GALNTL6: variants seen among roughly 807,000 people sequenced by gnomAD.
GALNTL6 encodes the protein polypeptide N-acetylgalactosaminyltransferase-like 6.
GALNTL6 carries 46 observed loss-of-function variants against 73.7 expected under a neutral mutation model. That is an observed-to-expected ratio of 0.62 (90% CI 0.49 to 0.80). The LOEUF is 0.80. Among genes scored for constraint, GALNTL6 ranks in the 30% least tolerant of loss-of-function variants. The pLI is 0.00. For synonymous variants in GALNTL6, 259 were observed against 263.7 expected, an observed-to-expected ratio of 0.98 and a Z score of 0.17; for missense variants, 604 against 755.0, an observed-to-expected ratio of 0.80 and a Z score of 2.34.
intron 5 of GALNTL6, among the ~76,000 whole-genome samples, chr4:172,657,956 C>G (rs1731134083): frequency 6.7e-6 from 1 of 149,758 alleles, no homozygotes; most frequent in Non-Finnish European, 1.5e-5. Context: ...CGAGACCATC[C>G]CGGCTAAAAC....
intron 2 of GALNTL6, among the ~76,000 whole-genome samples, chr4:172,210,869 G>GT (rs1166569366): frequency 6.6e-6 from 1 of 152,044 alleles, no homozygotes; most frequent in Non-Finnish European, 1.5e-5. Flanking sequence ...TCAATCATTT[G>GT]TTTATATCAG....
chr4:172,355,583 G>T (rs750925523), intron 5 of GALNTL6, among the ~76,000 whole-genome samples: 1 of 152,012 alleles, frequency 6.6e-6, no homozygotes, highest in African/African-American at 2.4e-5. Context: ...ATTGTAAAAG[G>T]TATGATGAGT....
chr4:172,761,691 C>T (rs531635280), intron 5 of GALNTL6, among the ~76,000 whole-genome samples: 2 of 151,800 alleles, frequency 1.3e-5, no homozygotes, highest in Admixed American at 1.3e-4. Flanking sequence ...CTCTCTCTCT[C>T]TCTCTTTCTC....
chr4:172,057,459 C>T (rs1312375249), intron 2 of GALNTL6, among the ~76,000 whole-genome samples: 3 of 151,206 alleles, frequency 2.0e-5, no homozygotes, highest in East Asian at 2.0e-4. Context: ...GAGGCCAAAG[C>T]GGGAGGATCA....
intron 2 of GALNTL6, among the ~76,000 whole-genome samples, chr4:172,048,831 T>A (rs984001499): frequency 1.3e-5 from 2 of 152,170 alleles, no homozygotes; most frequent in Non-Finnish European, 2.9e-5. Context: ...ATGCTCCAAT[T>A]TGCATCTTCC....
chr4:172,122,128 C>T (rs1343783994), intron 2 of GALNTL6, among the ~76,000 whole-genome samples: 1 of 151,078 alleles, frequency 6.6e-6, no homozygotes, highest in African/African-American at 2.4e-5. Context: ...TATCCCATGA[C>T]TAGGCTGAAT....
chr4:172,581,313 A>G (rs1471163612), intron 5 of GALNTL6, among the ~76,000 whole-genome samples: 1 of 152,088 alleles, frequency 6.6e-6, no homozygotes, highest in Non-Finnish European at 1.5e-5. Flanking sequence ...GCCTTGATGG[A>G]GTCATTTTGG....
At chr4:172,073,353 A>G (rs146754269) in intron 2 of GALNTL6, among the ~76,000 whole-genome samples, 76 of 152,354 alleles carry the variant, frequency 5.0e-4, no homozygotes, top group African/African-American at 1.7e-3. Context: ...TTCTAAGAAC[A>G]GTACCAGGCA....
rs554060399 is a variant in GALNTL6 at position 172,510,787 on chromosome 4, T to C, written c.553+162098T>C. Reference sequence around the variant, plus strand: ...TTAAACTATCTCTGCATCCCTAGGATGAAACCCACTTGATCACGGTGAATT... The same window carrying C: ...TTAAACTATCTCTGCATCCCTAGGACGAAACCCACTTGATCACGGTGAATT... On this transcript the variant is annotated intron_variant, in intron 5 of 12. Transcript: ENST00000506823. Among the ~76,000 whole-genome samples the C allele has an allele frequency of 2.9e-3, 162 of 55,726 alleles. 66 individuals carry two copies. Among genetic ancestry groups the C allele is most frequent in the African/African-American group, 6.9e-3 (155 of 22,426 alleles). The allele number at this position is 55,726 out of a possible 152,430, so 36.6% of individuals were successfully genotyped here. A position where few individuals can be genotyped will look rare whatever the true frequency, so the allele number is the denominator to read the frequency against.
At chr4:172,354,523 A>G (rs976092958) in intron 5 of GALNTL6, among the ~76,000 whole-genome samples, 2 of 152,096 alleles carry the variant, frequency 1.3e-5, no homozygotes, top group East Asian at 3.9e-4. Context: ...GGAATCTGGG[A>G]CATTGAGCGA....
chr4:172,048,321 A>G (rs1402682613), intron 2 of GALNTL6, among the ~76,000 whole-genome samples: 1 of 152,190 alleles, frequency 6.6e-6, no homozygotes, highest in Non-Finnish European at 1.5e-5. Context: ...GGATTTATAG[A>G]TACAGAATAC....
intron 2 of GALNTL6, among the ~76,000 whole-genome samples, chr4:172,178,718 A>C (rs1484152303): frequency 5.9e-5 from 8 of 135,612 alleles, no homozygotes; most frequent in Non-Finnish European, 9.3e-5. Flanking sequence ...GGTTAGTTAC[A>C]TATGTATACA....
At chr4:171,943,605 G>A (rs1738616117) in intron 2 of GALNTL6, among the ~76,000 whole-genome samples, 1 of 152,064 alleles carries the variant, frequency 6.6e-6, no homozygotes, top group Non-Finnish European at 1.5e-5. Context: ...TCAAGGCAAT[G>A]TTATTGTAAA....
rs191827456 is a variant in GALNTL6, at chr4:172,961,004, G to A, written c.1371+8746G>A. ...GGTAGAGACACGGGGAGAAGGGGTTGGGGGGTTCTTGCCCACCAGAAAAGC... is the reference window on the plus strand; with the variant it reads ...GGTAGAGACACGGGGAGAAGGGGTTAGGGGGTTCTTGCCCACCAGAAAAGC... On this transcript the variant is annotated intron_variant, in intron 10 of 12. Coordinates refer to ENST00000506823, the MANE Select transcript of GALNTL6 (RefSeq NM_001034845.3). Among the ~76,000 whole-genome samples, 834 of 135,346 alleles carry A rather than the reference G, an allele frequency of 6.2e-3. 6 individuals are homozygous for A. Among genetic ancestry groups the A allele is most frequent in the African/African-American group, 0.02 (731 of 35,888 alleles). 88.8% of individuals were successfully genotyped at this position (135,346 alleles called of 152,430 possible). A position where few individuals can be genotyped will look rare whatever the true frequency, so the allele number is the denominator to read the frequency against.
At chr4:172,307,680 A>G (rs951324853) in intron 3 of GALNTL6, among the ~76,000 whole-genome samples, 2 of 151,986 alleles carry the variant, frequency 1.3e-5, no homozygotes, top group African/African-American at 4.8e-5. Flanking sequence ...ATTTGCCTTT[A>G]TTTCTGGGCT....
chr4:172,002,121 TG>T (rs978469560), intron 2 of GALNTL6, among the ~76,000 whole-genome samples: 2 of 152,170 alleles, frequency 1.3e-5, no homozygotes, highest in Non-Finnish European at 2.9e-5. Flanking sequence ...TATATCATCT[TG>T]CCAACTTCAA....
intron 11 of GALNTL6, 124 bp downstream of exon 11, chr4:173,009,418 C>T: frequency 1.5e-6 from 1 of 649,998 alleles, no homozygotes; most frequent in Non-Finnish European, 2.8e-6. Flanking sequence ...TGGAGTGAGG[C>T]CGCTGTATCA....
chr4:172,119,357 C>A (rs1388966797), intron 2 of GALNTL6, among the ~76,000 whole-genome samples: 1 of 152,100 alleles, frequency 6.6e-6, no homozygotes, highest in East Asian at 1.9e-4. Context: ...TTTGAAAAAA[C>A]TGAATGGACT....
rs993662309 is a variant in GALNTL6, at chr4:171,990,286, C to T, written c.138+175568C>T. Among the ~76,000 whole-genome samples the T allele has an allele frequency of 2.0e-5, 3 of 152,100 alleles. No individual in the cohort carries two copies. The South Asian group carries it at 6.2e-4, about 32-fold the overall frequency. On this transcript the variant is annotated intron_variant, in intron 2 of 12. Coordinates refer to ENST00000506823, the MANE Select transcript of GALNTL6 (RefSeq NM_001034845.3). ...CATGTATTGGGCAGCCTTCTAAGTA[C>T]TTCATATTTATTAATTCACTTATTT...
Sources: allele counts gnomAD v4.1 joint callset (sites outside exome capture counted in the v4.1 genomes callset), GRCh38; gene constraint gnomAD v4.1.1; transcripts MANE v1.5; gene names NCBI Gene and HGNC (gene_info 2026-07-23, HGNC 2026-07-21).